Variants in PABIR3 observed in about 807,000 individuals in gnomAD.
PABIR3 encodes PABIR family member 3.
PABIR3 carries 20 observed loss-of-function variants against 23.1 expected under a neutral mutation model. The observed-to-expected ratio is 0.86, with a 90% confidence interval of 0.61 to 1.26. The LOEUF is 1.26. Among genes scored for constraint, PABIR3 ranks in the 50% most tolerant of loss-of-function variants. PABIR3 has a pLI of 0.00. For synonymous variants in PABIR3, 69 were observed against 68.5 expected, an observed-to-expected ratio of 1.01 and a Z score of -0.04; for missense variants, 189 against 195.4, an observed-to-expected ratio of 0.97 and a Z score of 0.20.
At chrX:134,856,188 AT>A (rs150416913), downstream of PABIR3, among the ~76,000 whole-genome samples, 117 of 95,227 alleles carry the variant, frequency 1.2e-3, no homozygotes, top group African/African-American at 2.5e-3. Context: ...CTATTCAGTT[AT>A]TTTTTTTTTT....
At chrX:134,825,083 G>C (rs181530094) in intron 3 of PABIR3, among the ~76,000 whole-genome samples, 1 of 111,486 alleles carries the variant, frequency 9.0e-6, no homozygotes, top group East Asian at 2.8e-4. Flanking sequence ...AGAGCCGGAG[G>C]GGGGTATGTG....
At chrX:134,845,184 C>T (rs746574894) in intron 4 of PABIR3, 21 bp from the exon 5 acceptor site, 5 of 1,166,867 alleles carry the variant, frequency 4.3e-6, no homozygotes, top group Admixed American at 2.5e-5. Flanking sequence ...TCAGTTTATT[C>T]TCATTTTCCT....
chrX:134,805,373 A>G (rs2080187609), upstream of PABIR3, among the ~76,000 whole-genome samples: 1 of 112,484 alleles, frequency 8.9e-6, no homozygotes, highest in South Asian at 3.6e-4. Context: ...TGTCTTATAT[A>G]AGGAATGGAG....
At chrX:134,861,326 T>G in the PABIR3 span, among the ~76,000 whole-genome samples, 1 of 109,213 alleles carries the variant, frequency 9.2e-6, no homozygotes, top group East Asian at 2.9e-4. Context: ...TGAATGTAAT[T>G]AAGGCTACTG....
chrX:134,821,601 C>A (rs1416811850), intron 3 of PABIR3: 2 of 1,135,206 alleles, frequency 1.8e-6, no homozygotes, highest in Non-Finnish European at 2.3e-6. Flanking sequence ...TTGAGCAATT[C>A]ATCTGTTCTA....
At chrX:134,821,086 G>GTA (rs1366622368) in intron 3 of PABIR3, among the ~76,000 whole-genome samples, 1 of 92,521 alleles carries the variant, frequency 1.1e-5, no homozygotes, top group African/African-American at 4.6e-5. Flanking sequence ...GTGTGTGTGT[G>GTA]TGTATATATA....
intron 2 of PABIR3, among the ~76,000 whole-genome samples, chrX:134,811,541 C>T (rs2080666553): frequency 9.0e-6 from 1 of 110,577 alleles, no homozygotes; most frequent in Non-Finnish European, 1.9e-5. Context: ...GCATGCACCA[C>T]CACGCCAGGC....
At chrX:134,860,950 T>C in the PABIR3 span, among the ~76,000 whole-genome samples, 1 of 111,894 alleles carries the variant, frequency 8.9e-6, no homozygotes, top group African/African-American at 3.2e-5. Context: ...TGGGGAGTTA[T>C]TAACGGGTAC....
chrX:134,804,092 C>T (rs2080134603), upstream of PABIR3: 4 of 545,029 alleles, frequency 7.3e-6, no homozygotes, highest in South Asian at 1.2e-4. Context: ...TGTTGGTTCC[C>T]TTTTATAGGT....
upstream of PABIR3, among the ~76,000 whole-genome samples, chrX:134,805,930 T>C (rs1018477599): frequency 2.7e-5 from 3 of 111,780 alleles, no homozygotes; most frequent in Admixed American, 9.5e-5. Context: ...TAAAGTGCTA[T>C]ACCAGTGTTA....
At chrX:134,837,332 AAAGT>A (rs1031359670) in intron 4 of PABIR3, among the ~76,000 whole-genome samples, 8 of 110,994 alleles carry the variant, frequency 7.2e-5, no homozygotes, top group East Asian at 5.6e-4. Context: ...CTGGTGTGAC[AAAGT>A]AAGACTCCTT....
intron 3 of PABIR3, among the ~76,000 whole-genome samples, chrX:134,816,670 T>C (rs2080997771): frequency 9.0e-6 from 1 of 111,717 alleles, no homozygotes; most frequent in Non-Finnish European, 1.9e-5. Flanking sequence ...TGAAACCATC[T>C]GGTCCTGGAC....
At chrX:134,827,322 ACT>A (rs2081550553) in intron 3 of PABIR3, among the ~76,000 whole-genome samples, 1 of 110,760 alleles carries the variant, frequency 9.0e-6, no homozygotes. Flanking sequence ...CACTCCTCTT[ACT>A]GCCTTTCATG....
At chrX:134,816,302 T>A (rs1047978640) in intron 3 of PABIR3, among the ~76,000 whole-genome samples, 1 of 112,295 alleles carries the variant, frequency 8.9e-6, no homozygotes, top group Non-Finnish European at 1.9e-5. Flanking sequence ...ATGTTGATTC[T>A]TGTTTTTTGT....
chrX:134,852,531 A>C (rs1294784192), intron 9 of PABIR3, among the ~76,000 whole-genome samples: 1 of 110,670 alleles, frequency 9.0e-6, no homozygotes, highest in Non-Finnish European at 1.9e-5. Flanking sequence ...ATAATATAAG[A>C]AAATTATAAT....
chrX:134,852,067 T>A (rs774766305), intron 9 of PABIR3, among the ~76,000 whole-genome samples: 1 of 112,739 alleles, frequency 8.9e-6, no homozygotes, highest in South Asian at 3.6e-4. Context: ...TAAAAGAACT[T>A]ACCTATTTAG....
At chrX:134,851,187 AG>A (rs1180951385) in intron 9 of PABIR3, among the ~76,000 whole-genome samples, 1 of 111,113 alleles carries the variant, frequency 9.0e-6, no homozygotes, top group African/African-American at 3.3e-5. Flanking sequence ...GAGTCTCCAA[AG>A]CATATGATGT....
chrX:134,849,099 A>G (rs1356502205), intron 8 of PABIR3, 68 bp from the exon 9 acceptor site: 2 of 483,519 alleles, frequency 4.1e-6, no homozygotes, highest in Non-Finnish European at 6.0e-6. Flanking sequence ...GATCTGTTAT[A>G]ATGAAATAGT....
intron 4 of PABIR3, among the ~76,000 whole-genome samples, chrX:134,838,173 A>G (rs772377268): frequency 9.0e-6 from 1 of 111,577 alleles, no homozygotes; most frequent in African/African-American, 3.3e-5. Context: ...TTCTAATCCT[A>G]CTAATTCTTC....
Sources: allele counts gnomAD v4.1 joint callset (sites outside exome capture counted in the v4.1 genomes callset), GRCh38; gene constraint gnomAD v4.1.1; transcripts MANE v1.5; gene names NCBI Gene and HGNC (gene_info 2026-07-23, HGNC 2026-07-21).